The following SZT2 variants were observed in gnomAD, a reference collection of about 807,000 sequenced individuals.
The protein encoded by SZT2 is SZT2 subunit of KICSTOR complex, also known as KICSTOR complex protein SZT2.
In SZT2, 216 loss-of-function variants were observed where a neutral mutation model predicts 404.2. That is an observed-to-expected ratio of 0.53 (90% CI 0.48 to 0.60). SZT2 has a LOEUF of 0.60. SZT2 is among the 20% of genes least tolerant of loss of function. The pLI is 0.00. For synonymous variants in SZT2, 1,693 were observed against 1,749.9 expected (o/e 0.97, Z 0.81); for missense variants, 3,857 against 4,459.2 (o/e 0.86, Z 3.85).
chr1:43,453,692 G>A lies in SZT2; in HGVS notation c.*3212G>A, dbSNP rs1656717164. The A allele has an allele frequency of 6.9e-7, 1 of 1,448,546 alleles. No individual in the cohort carries two copies. Among genetic ancestry groups the A allele is most frequent in the South Asian group, 1.4e-5 (1 of 72,938 alleles). The allele number at this position is 1,448,546 out of a possible 1,614,324, so 89.7% of individuals were successfully genotyped here. On this transcript the variant is annotated 3_prime_UTR_variant, in exon 72 of 72. Transcript: ENST00000634258. ...CCGCGTACGGCCAGGCCACCTCGACGGCCTCGAAGCCCGAGCTGCCCGCGG... is the reference window on the plus strand; with the variant it reads ...CCGCGTACGGCCAGGCCACCTCGACAGCCTCGAAGCCCGAGCTGCCCGCGG...
intron 5 of SZT2, 70 bp downstream of exon 5, chr1:43,415,283 AG>A (rs1250205132): frequency 6.4e-7 from 1 of 1,569,466 alleles, no homozygotes; most frequent in Non-Finnish European, 8.6e-7. Flanking sequence ...GGCAGAGAGG[AG>A]GGATAGTCCA....
At position 43,427,657 on chromosome 1, in the gene SZT2, C is replaced by G; in HGVS notation, c.3726C>G (p.Tyr1242Ter). Residue 1242 changes from tyrosine to a stop codon, truncating the protein, a stop_gained, in exon 26 of 72, where the codon TAC (tyrosine) becomes TAG (stop). Transcript: ENST00000634258. LOFTEE classifies it high-confidence loss of function. ...GGACCCGGTGTCCTGTCTACATCTA[C>G]AGCTGTTCACTGGAAGCGCTGAGGG... The part of the protein sequence containing the change: ...GPRTRCPVYI[Y>*]SCSLEALREQ... The G allele has an allele frequency of 6.2e-7, 1 of 1,614,188 alleles. No homozygotes were observed. The highest frequency in any genetic ancestry group is 8.5e-7 in the Non-Finnish European group (1 of 1,180,036).
Position 43,450,513 on chromosome 1 carries a change from C to T in SZT2, c.*33C>T. ...GACTGGACCACTGAATGTCACTGTT[C>T]CTTGAATCATGGGCCTACCAGATTG... On this transcript the variant is annotated 3_prime_UTR_variant, in exon 72 of 72. Transcript: ENST00000634258. This position sits in a 1 kb window ranked among gnomAD's most constrained non-coding sequence, Gnocchi z 4.3. The T allele has an allele frequency of 1.2e-6, 2 of 1,612,630 alleles. No homozygotes were observed. Among genetic ancestry groups the T allele is most frequent in the African/African-American group, 1.3e-5 (1 of 75,026 alleles).
rs1420585089 is a variant in SZT2 at position 43,453,513 on chromosome 1, G to C, written c.*3033G>C. 10 of 1,540,274 alleles carry C rather than the reference G, an allele frequency of 6.5e-6. No individual in the cohort carries two copies. Among genetic ancestry groups the C allele is most frequent in the Non-Finnish European group, 7.0e-6 (8 of 1,140,284 alleles). ...TCTTGGTCTCCTGCAGAGAGAACGG[G>C]CCTCAGCCCCCGGCTCGGACACTCC... is the stretch of plus-strand genomic sequence containing the variant. On this transcript the variant is annotated 3_prime_UTR_variant, in exon 72 of 72. Coordinates refer to ENST00000634258, the MANE Select transcript of SZT2 (RefSeq NM_001365999.1).
Position 43,437,042 on chromosome 1 carries a change from T to TC in SZT2, c.6035-128dup, listed in dbSNP as rs1654530540. 8.0e-7 allele frequency: 1 copy of TC among 1,255,190 alleles called. No homozygotes were observed. The highest frequency in any genetic ancestry group is 1.5e-5 in the African/African-American group (1 of 67,312). 77.8% of individuals were successfully genotyped at this position (1,255,190 alleles called of 1,614,324 possible). ...CCTGTCGTGTTACCCAGAATGATCA[T>TC]CATTTCTCTGCAATAGTCAGGGATG... On this transcript the variant is annotated intron_variant, in intron 42 of 71. Coordinates refer to ENST00000634258, the MANE Select transcript of SZT2 (RefSeq NM_001365999.1). This position sits in a 1 kb window ranked among gnomAD's most constrained non-coding sequence, Gnocchi z 5.3.
rs769784174 is a variant in SZT2, at chr1:43,435,303, G to T, written c.6008G>T (p.Arg2003Leu). 5 of 1,613,980 alleles carry T rather than the reference G, an allele frequency of 3.1e-6. No individual in the cohort carries two copies. In the East Asian group the frequency reaches 1.1e-4, roughly 36 times the overall value. Residue 2003 changes from arginine to leucine, a missense_variant, in exon 42 of 72, where the codon CGT (arginine) becomes CTT (leucine). Physicochemically the swap from Arg to Leu is moderately radical, Grantham distance 102. Around this residue, in one of 7 missense-constraint regions of SZT2, gnomAD observed 1,725 missense variants for 1,881.0 expected, o/e 0.92. Coordinates refer to ENST00000634258, the MANE Select transcript of SZT2 (RefSeq NM_001365999.1). ...CGCAGTGAGACTCCCTTCCACTCCC[G>T]TCAGCGGGCACCACTGCCCAGTGAT... ...LWRSETPFHS[R>L]QRAPLPSDDY...
In SZT2 at chr1:43,414,611, A is replaced by C. The variant is rs16830756; in HGVS notation, c.499-471A>C. 7.1e-3 allele frequency among the ~76,000 whole-genome samples: 1,081 copies of C among 152,268 alleles called. 10 individuals are homozygous for C. Among genetic ancestry groups the C allele is most frequent in the African/African-American group, 0.025 (1,027 of 41,566 alleles). ...AATTTTTGTAAAATTGAAAAGGTCC[A>C]GAATAGCCTCTGTGTGTACAGAAGG... On this transcript the variant is annotated intron_variant, in intron 4 of 71. Transcript: ENST00000634258.
At position 43,424,905 on chromosome 1, in the gene SZT2, A is replaced by G. The variant is rs1392013285; in HGVS notation, c.2550+43A>G. On this transcript the variant is annotated intron_variant, in intron 17 of 71. Coordinates refer to ENST00000634258, the MANE Select transcript of SZT2 (RefSeq NM_001365999.1). The surrounding 1 kb of genome is among the most constrained non-coding windows in gnomAD (Gnocchi z 4.1). ...TGACACCTCCCTGCCAAGGTCTGTC[A>G]TAATCCCAGGGACACTCACCTCTGA... 5.0e-6 allele frequency: 8 copies of G among 1,596,356 alleles called. No homozygotes were observed. Among genetic ancestry groups the G allele is most frequent in the Middle Eastern group, 1.7e-4 (1 of 6,030 alleles).
At chr1:43,427,867 C>T in intron 26 of SZT2, 133 bp downstream of exon 26, 4 of 1,343,456 alleles carry the variant, frequency 3.0e-6, no homozygotes, top group Admixed American at 4.1e-5. Flanking sequence ...TTTCCCTCAG[C>T]AAACCCTTGA....
chr1:43,443,424 C>T lies in SZT2; in HGVS notation c.8572C>T (p.Pro2858Ser). ...CTGTGCAACAGCCATGCTCTTCGAC[C>T]CAGCTGCCTGGCTGCATGGGCCCCC... ...HYCATAMLFDPAAWLHGPPET... is the reference protein window; with the variant it reads ...HYCATAMLFDSAAWLHGPPET... The change falls in exon 61 of 72, where the codon CCA becomes TCA. Residue 2858 changes from proline (P) to serine (S), a missense_variant. Physicochemically the swap from Pro to Ser is moderately conservative, Grantham distance 74. This residue lies in a region of SZT2 where 717 missense variants were observed against 868.2 expected (regional missense o/e 0.83). Transcript: ENST00000634258. 6.2e-7 allele frequency: 1 copy of T among 1,614,182 alleles called. No individual in the cohort carries two copies. Among genetic ancestry groups the T allele is most frequent in the Non-Finnish European group, 8.5e-7 (1 of 1,180,026 alleles).
intron 35 of SZT2, 22 bp downstream of exon 35, chr1:43,431,545 C>G (rs750621363): frequency 5.9e-5 from 96 of 1,613,914 alleles, no homozygotes; most frequent in Admixed American, 1.7e-4. Flanking sequence ...ACCCCCAACA[C>G]TGTAACTGAT....
intron 51 of SZT2, 135 bp downstream of exon 51, chr1:43,440,183 C>A: frequency 7.7e-7 from 1 of 1,305,044 alleles, no homozygotes; most frequent in Non-Finnish European, 1.1e-6. Flanking sequence ...CACTTATTCA[C>A]AGTTGTCCGT....
Position 43,424,099 on chromosome 1 carries a change from A to G in SZT2, c.2256-118A>G. On this transcript the variant is annotated intron_variant, in intron 15 of 71. Transcript: ENST00000634258. The surrounding 1 kb of genome is among the most constrained non-coding windows in gnomAD (Gnocchi z 4.1). ...GAAGGGCGTGGCTTAGCCGGGTATC[A>G]GTGGTACAGAGGTGTGGAAGGGCGT... 1 of 823,378 alleles carries G rather than the reference A, an allele frequency of 1.2e-6. No homozygotes were observed. The highest frequency in any genetic ancestry group is 1.7e-5 in the South Asian group (1 of 59,962). 51.0% of individuals were successfully genotyped at this position (823,378 alleles called of 1,614,324 possible).
chr1:43,438,612 T>G (rs1037778185), intron 46 of SZT2, 87 bp from the exon 47 acceptor site: 3 of 1,240,898 alleles, frequency 2.4e-6, no homozygotes, highest in Non-Finnish European at 3.5e-6. Context: ...ATACAGGGGA[T>G]TCTTTGAGTT....
rs780505264 is a variant in SZT2, at chr1:43,432,409, T to C, written c.5412T>C (p.His1804=). The part of the protein sequence containing the change: ...PSSAAWAWHS[H]EDRAEGIEGE... The stretch of plus-strand genomic sequence containing the variant: ...CAGCGGCCTGGGCTTGGCACAGTCA[T>C]GAGGACAGGGCTGAAGGCATCGAAG... The change falls in exon 37 of 72, where the codon CAT becomes CAC. Residue 1804 remains histidine, a synonymous_variant. Coordinates refer to ENST00000634258, the MANE Select transcript of SZT2 (RefSeq NM_001365999.1). The C allele has an allele frequency of 1.6e-5, 25 of 1,585,512 alleles. No individual in the cohort carries two copies. Among genetic ancestry groups the C allele is most frequent in the East Asian group, 2.2e-5 (1 of 44,652 alleles).
chr1:43,440,080 A>C, intron 51 of SZT2, 32 bp downstream of exon 51: 2 of 1,612,860 alleles, frequency 1.2e-6, no homozygotes, highest in Non-Finnish European at 1.7e-6. Context: ...TGGGGTCCAG[A>C]GAATGTCACA....
rs2153935569 is a variant in SZT2 at position 43,440,522 on chromosome 1, C to T, written c.7280C>T (p.Pro2427Leu). ...CGAGCTAGCACCTTTCCCCCTGCCC[C>T]TGTCCCTGGGGAGCCTGTGACTCCA... ...AGRASTFPPA[P>L]VPGEPVTPPS... The change falls in exon 52 of 72, where the codon CCT becomes CTT. Residue 2427 changes from proline to leucine, a missense_variant. This residue lies in a region of SZT2 where 573 missense variants were observed against 592.4 expected (regional missense o/e 0.97). Coordinates refer to ENST00000634258, the MANE Select transcript of SZT2 (RefSeq NM_001365999.1). The T allele has an allele frequency of 3.1e-6, 5 of 1,608,516 alleles. No homozygotes were observed. Among genetic ancestry groups the T allele is most frequent in the Non-Finnish European group, 4.2e-6 (5 of 1,177,524 alleles).
At position 43,453,615 on chromosome 1, in the gene SZT2, A is replaced by T. The variant is rs1388197039; in HGVS notation, c.*3135A>T. On this transcript the variant is annotated 3_prime_UTR_variant, in exon 72 of 72. Coordinates refer to ENST00000634258, the MANE Select transcript of SZT2 (RefSeq NM_001365999.1). ...CGCACCCGGGGGCGTGTTGATCAGT[A>T]CAAGCCGCAGCCCCGCTTCTCGCGC... 21 of 1,505,042 alleles carry T rather than the reference A, an allele frequency of 1.4e-5. No individual in the cohort carries two copies. Among genetic ancestry groups the T allele is most frequent in the Non-Finnish European group, 2.7e-6 (3 of 1,131,438 alleles). The allele number at this position is 1,505,042 out of a possible 1,614,324, so 93.2% of individuals were successfully genotyped here.
rs200178393 is a variant in SZT2, at chr1:43,443,630, C to T, written c.8659C>T (p.Arg2887Ter). ...RHRPESGSGSREAPTSCESLD... is the reference protein window; with the variant it reads ...RHRPESGSGS ...TCGCCCTGAGTCAGGGTCTGGGAGC[C>T]GAGAGGCCCCCACAAGCTGTGAATC... is the stretch of plus-strand genomic sequence containing the variant. Residue 2887 changes from arginine (R) to a stop codon, truncating the protein, a stop_gained, in exon 62 of 72, where the codon CGA becomes TGA. Coordinates refer to ENST00000634258, the MANE Select transcript of SZT2 (RefSeq NM_001365999.1). LOFTEE classifies it high-confidence loss of function. The T allele has an allele frequency of 9.3e-6, 15 of 1,614,180 alleles. No individual in the cohort carries two copies. The highest frequency in any genetic ancestry group is 1.2e-5 in the Non-Finnish European group (14 of 1,180,036).
Sources: allele counts gnomAD v4.1 joint callset (sites outside exome capture counted in the v4.1 genomes callset), GRCh38; gene constraint gnomAD v4.1.1; regional missense constraint gnomAD v4.1.1; non-coding constraint Gnocchi (gnomAD v3.1); transcripts MANE v1.5; gene names NCBI Gene and HGNC (gene_info 2026-07-23, HGNC 2026-07-21).